Variants in GATAD2A observed in about 807,000 individuals in gnomAD.
GATAD2A encodes GATA zinc finger domain containing 2A, also known as transcriptional repressor p66-alpha.
A neutral mutation model predicts 68.5 loss-of-function variants in GATAD2A; 12 were observed. That is an observed-to-expected ratio of 0.18 (90% CI 0.11 to 0.28). The LOEUF is 0.28. Among genes scored for constraint, GATAD2A ranks in the 10% least tolerant of loss-of-function variants. The probability of loss-of-function intolerance (pLI) is 1.00; values close to 1 mark genes in which losing one functional copy is unlikely to be tolerated. For missense variants in GATAD2A, 755 were observed against 868.5 expected, an observed-to-expected ratio of 0.87 and a Z score of 1.64; for synonymous variants, 410 against 375.3, an observed-to-expected ratio of 1.09 and a Z score of -1.07.
chr19:19,421,084 G>T (rs1224902528), intron 1 of GATAD2A, among the ~76,000 whole-genome samples: 2 of 152,222 alleles, frequency 1.3e-5, no homozygotes, highest in African/African-American at 2.4e-5. Context: ...TCCTGCCTCA[G>T]CAATGCCCGA....
intron 1 of GATAD2A, among the ~76,000 whole-genome samples, chr19:19,438,046 A>T (rs1198983824): frequency 6.6e-6 from 1 of 152,178 alleles, no homozygotes; most frequent in African/African-American, 2.4e-5. Context: ...CCTGACACTT[A>T]CACAGGGCTC....
intron 1 of GATAD2A, among the ~76,000 whole-genome samples, chr19:19,433,230 A>C (rs1057172555): frequency 2.0e-5 from 3 of 152,186 alleles, no homozygotes; most frequent in African/African-American, 7.2e-5. Context: ...TCTTGTGTTC[A>C]CGCAGAGTAG....
At chr19:19,491,543 G>A (rs950299422) in intron 2 of GATAD2A, among the ~76,000 whole-genome samples, 1 of 152,226 alleles carries the variant, frequency 6.6e-6, no homozygotes, top group African/African-American at 2.4e-5. Context: ...CATCCACGTG[G>A]GGCTGGAGGC....
chr19:19,407,507 T>A (rs1000237), intron 1 of GATAD2A, among the ~76,000 whole-genome samples: 66,104 of 152,110 alleles, frequency 0.43, 15,733 homozygotes, highest in African/African-American at 0.63. Flanking sequence ...CTCTTAGTAG[T>A]GAGGCAGAGC....
At chr19:19,421,092 C>T (rs980798717) in intron 1 of GATAD2A, among the ~76,000 whole-genome samples, 3 of 152,186 alleles carry the variant, frequency 2.0e-5, no homozygotes, top group Non-Finnish European at 4.4e-5. Flanking sequence ...CAGCAATGCC[C>T]GACGGACAAT....
intron 1 of GATAD2A, chr19:19,429,101 G>C (rs1397121005): frequency 1.4e-6 from 1 of 713,904 alleles, no homozygotes; most frequent in African/African-American, 2.0e-5. Context: ...CCATTTTGTA[G>C]TCTCCTCCTC....
intron 1 of GATAD2A, chr19:19,457,038 C>T (rs2056997309): frequency 1.1e-6 from 1 of 937,026 alleles, no homozygotes; most frequent in Admixed American, 6.2e-5. Flanking sequence ...CCCTGAGGAT[C>T]CCAGAGCTGA....
intron 8 of GATAD2A, among the ~76,000 whole-genome samples, chr19:19,500,331 A>G (rs2060443553): frequency 6.6e-6 from 1 of 152,206 alleles, no homozygotes; most frequent in African/African-American, 2.4e-5. Flanking sequence ...GGGCCAGGCC[A>G]GTCCAGGCAG....
intron 1 of GATAD2A, chr19:19,464,893 G>A (rs2057745845): frequency 1.3e-5 from 3 of 232,286 alleles, no homozygotes; most frequent in Non-Finnish European, 2.6e-5. Flanking sequence ...CCCAGGCCCC[G>A]ACCCTGCTCC....
At chr19:19,482,463 C>G (rs1012424106) in intron 2 of GATAD2A, among the ~76,000 whole-genome samples, 1 of 152,206 alleles carries the variant, frequency 6.6e-6, no homozygotes, top group Non-Finnish European at 1.5e-5. Context: ...GGCCTATCCT[C>G]TCTAACCCCA....
chr19:19,507,571 C>CCCCCAG lies in GATAD2A; in HGVS notation c.*2105_*2110dup, dbSNP rs199581833. ...GCCAGATCCGAGCCGCACCTGCCGGCCCCCAGCCCCAGCTCCAGCTCCTGA... is the reference window on the plus strand; with the variant it reads ...GCCAGATCCGAGCCGCACCTGCCGGCCCCCAGCCCCAGCCCCAGCTCCAGCTCCTGA... On this transcript the variant is annotated 3_prime_UTR_variant, in exon 12 of 12. Transcript: ENST00000683918. 377 of 152,824 alleles carry CCCCCAG rather than the reference C, an allele frequency of 2.5e-3. 5 individuals are homozygous for CCCCCAG. The East Asian group carries it at 0.038, about 16-fold the overall frequency. 9.5% of individuals were successfully genotyped at this position (152,824 alleles called of 1,614,324 possible).
At chr19:19,483,551 G>A (rs987963937) in intron 2 of GATAD2A, among the ~76,000 whole-genome samples, 7 of 152,262 alleles carry the variant, frequency 4.6e-5, no homozygotes, top group Admixed American at 1.3e-4. Flanking sequence ...GCGAGAAGCA[G>A]GTGGGCCTCA....
Position 19,501,435 on chromosome 19 carries a change from C to T in GATAD2A, c.1503+19C>T, listed in dbSNP as rs781090623. On this transcript the variant is annotated intron_variant, in intron 9 of 11. Transcript: ENST00000683918. ...GAAGCAGGTGAGCCTGGCCTGCTGC[C>T]GGCAGTGCCGTCCCTAGGAGGCAGA... The T allele has an allele frequency of 1.6e-5, 25 of 1,557,434 alleles. No homozygotes were observed. The highest frequency in any genetic ancestry group is 2.1e-4 in the Middle Eastern group (1 of 4,760).
At chr19:19,504,300 T>C (rs1459071831) in intron 11 of GATAD2A, among the ~76,000 whole-genome samples, 2 of 152,216 alleles carry the variant, frequency 1.3e-5, no homozygotes, top group Non-Finnish European at 2.9e-5. Context: ...AAAAATGATA[T>C]TTGTCCATCA....
Position 19,476,905 on chromosome 19 carries a change from G to C in GATAD2A, c.269+11291G>C, listed in dbSNP as rs551716513. Among the ~76,000 whole-genome samples the C allele has an allele frequency of 2.6e-5, 4 of 152,280 alleles. No homozygotes were observed. The South Asian group carries it at 8.3e-4, about 32-fold the overall frequency. On this transcript the variant is annotated intron_variant, in intron 2 of 11. Transcript: ENST00000683918. The stretch of plus-strand genomic sequence containing the variant: ...AGGTTTTTCTTCTCTCTCTTAAGAT[G>C]AGCATATGAATTATAATTTGTGAGC...
chr19:19,386,358 G>A (rs1452718418), intron 1 of GATAD2A, among the ~76,000 whole-genome samples: 1 of 150,072 alleles, frequency 6.7e-6, no homozygotes, highest in Non-Finnish European at 1.5e-5. Context: ...CTCTCTTGGG[G>A]ACACACCCGC....
At chr19:19,407,072 A>G (rs929832064) in intron 1 of GATAD2A, among the ~76,000 whole-genome samples, 2 of 152,164 alleles carry the variant, frequency 1.3e-5, no homozygotes, top group African/African-American at 4.8e-5. Flanking sequence ...CTTGGAGTAC[A>G]TAGTGCTGGT....
At chr19:19,389,541 T>A (rs903274140) in intron 1 of GATAD2A, among the ~76,000 whole-genome samples, 2 of 152,170 alleles carry the variant, frequency 1.3e-5, no homozygotes, top group Non-Finnish European at 2.9e-5. Flanking sequence ...TATTTTCTTC[T>A]GGGGAGAAGT....
At chr19:19,388,855 A>C (rs2048646782) in intron 1 of GATAD2A, among the ~76,000 whole-genome samples, 1 of 152,080 alleles carries the variant, frequency 6.6e-6, no homozygotes, top group Non-Finnish European at 1.5e-5. Context: ...TTCTCTCCCG[A>C]GACCCCCTGA....
Sources: gnomAD v4.1 joint callset for allele counts (sites outside exome capture counted in the v4.1 genomes callset) on GRCh38, gnomAD v4.1.1 for gene constraint, MANE v1.5 for transcripts, NCBI Gene and HGNC (gene_info 2026-07-23, HGNC 2026-07-21) for gene names.